GPATCH8: variants seen among roughly 807,000 people sequenced by gnomAD.
GPATCH8 encodes G-patch domain containing 8.
GPATCH8 carries 18 observed loss-of-function variants against 118.3 expected under a neutral mutation model. The observed-to-expected ratio is 0.15, with a 90% CI of 0.11 to 0.23. The LOEUF is 0.23. GPATCH8 is among the 10% of genes least tolerant of loss of function. The pLI is 1.00. For synonymous variants in GPATCH8, 659 were observed against 684.7 expected (o/e 0.96, Z 0.59); for missense variants, 1,631 against 1,873.8 (o/e 0.87, Z 2.39).
intron 7 of GPATCH8, among the ~76,000 whole-genome samples, chr17:44,404,037 G>A (rs980926130): frequency 1.3e-5 from 2 of 151,968 alleles, no homozygotes; most frequent in Middle Eastern, 6.8e-3. Context: ...ACTGGAAAAT[G>A]AGAACTCAAC....
chr17:44,440,779 A>C (rs915794203), intron 3 of GPATCH8, among the ~76,000 whole-genome samples: 1 of 152,246 alleles, frequency 6.6e-6, no homozygotes, highest in African/African-American at 2.4e-5. Context: ...AAAATGGTTA[A>C]GGTTACATCA....
intron 6 of GPATCH8, among the ~76,000 whole-genome samples, 166 bp from the exon 7 acceptor site, chr17:44,406,217 T>C (rs1410212238): frequency 1.3e-5 from 2 of 152,152 alleles, no homozygotes; most frequent in East Asian, 1.9e-4. Context: ...GCTGATTACT[T>C]TGGGTATAGC....
intron 3 of GPATCH8, 116 bp from the exon 4 acceptor site, chr17:44,436,661 A>T: frequency 1.4e-6 from 1 of 738,464 alleles, no homozygotes. Context: ...CCAGAAAGCT[A>T]CAGTGAACCA....
intron 3 of GPATCH8, among the ~76,000 whole-genome samples, chr17:44,453,498 G>GTGTGTGTGTGTGTGT (rs1298562128): frequency 0.075 from 9,728 of 129,936 alleles, 585 homozygotes; most frequent in East Asian, 0.096. Flanking sequence ...TAGGTAGGTA[G>GTGTGTGTGTGTGTGT]GGGTGTGTGT....
chr17:44,496,089 G>A (rs149894986), intron 1 of GPATCH8, among the ~76,000 whole-genome samples: 1,874 of 152,158 alleles, frequency 0.012, 36 homozygotes, highest in African/African-American at 0.037. Flanking sequence ...GGCTGGTCTC[G>A]AACTCCTGAC....
At chr17:44,428,561 G>A (rs912414456) in intron 5 of GPATCH8, among the ~76,000 whole-genome samples, 1 of 151,890 alleles carries the variant, frequency 6.6e-6, no homozygotes, top group African/African-American at 2.4e-5. Context: ...CCAGCACTTT[G>A]GGAGGTTGAG....
At chr17:44,424,315 T>G in intron 6 of GPATCH8, 34 bp downstream of exon 6, 4 of 1,436,440 alleles carry the variant, frequency 2.8e-6, no homozygotes, top group Non-Finnish European at 3.9e-6. Context: ...AATAGATAGG[T>G]ACCTTCTTCT....
rs1260607971 is a variant in GPATCH8, at chr17:44,395,709, T to C, written c.*1859A>G. The C allele has an allele frequency of 6.6e-6, 3 of 454,012 alleles. No individual in the cohort carries two copies. Among genetic ancestry groups the C allele is most frequent in the Non-Finnish European group, 1.3e-5 (3 of 226,804 alleles). The allele number at this position is 454,012 out of a possible 1,614,324, so 28.1% of individuals were successfully genotyped here. On this transcript the variant is annotated 3_prime_UTR_variant, in exon 8 of 8. Transcript: ENST00000591680. The stretch of plus-strand genomic sequence containing the variant: ...GCCTGCCACTTTCTTTTCATAAACT[T>C]TACTCTTTTGAGAATTTGCGAAGGC...
chr17:44,469,142 T>G (rs544622175), intron 2 of GPATCH8, among the ~76,000 whole-genome samples: 22 of 152,358 alleles, frequency 1.4e-4, no homozygotes, highest in African/African-American at 5.3e-4. Context: ...TTATCATTTG[T>G]TCTTCTCTAA....
chr17:44,502,382 C>T (rs1970142068), intron 1 of GPATCH8, among the ~76,000 whole-genome samples: 3 of 149,450 alleles, frequency 2.0e-5, no homozygotes, highest in African/African-American at 7.4e-5. Flanking sequence ...TTTTGAGACT[C>T]TACGGATGTA....
chr17:44,478,689 A>C (rs1169248317), intron 1 of GPATCH8, among the ~76,000 whole-genome samples: 1 of 152,036 alleles, frequency 6.6e-6, no homozygotes. Context: ...AAAACAAAAC[A>C]AAAAAACCCT....
At chr17:44,485,765 C>T (rs536032252) in intron 1 of GPATCH8, among the ~76,000 whole-genome samples, 4 of 152,284 alleles carry the variant, frequency 2.6e-5, no homozygotes, top group South Asian at 2.1e-4. Flanking sequence ...TTTATACCTT[C>T]GTTATGGTAC....
chr17:44,402,788 C>G (rs2049077715), intron 7 of GPATCH8, among the ~76,000 whole-genome samples: 1 of 152,196 alleles, frequency 6.6e-6, no homozygotes, highest in Non-Finnish European at 1.5e-5. Context: ...GGTACCGTAA[C>G]AAGCATTTGC....
chr17:44,465,306 C>T (rs769320792), intron 2 of GPATCH8: 5 of 152,062 alleles, frequency 3.3e-5, no homozygotes, highest in African/African-American at 1.2e-4. Context: ...CAGTAAAGAA[C>T]CATTAGTGCA....
chr17:44,426,994 C>T (rs967238099), intron 5 of GPATCH8, among the ~76,000 whole-genome samples: 7 of 151,808 alleles, frequency 4.6e-5, no homozygotes, highest in Admixed American at 2.0e-4. Context: ...AATACATACA[C>T]GTATATATGG....
At chr17:44,479,980 A>G (rs1435012879) in intron 1 of GPATCH8, among the ~76,000 whole-genome samples, 1 of 147,838 alleles carries the variant, frequency 6.8e-6, no homozygotes, top group African/African-American at 2.5e-5. Context: ...AAAAAAAAAA[A>G]TTGATAGGCT....
intron 2 of GPATCH8, 164 bp downstream of exon 2, chr17:44,474,665 A>C (rs1439515774): frequency 1.4e-6 from 1 of 695,184 alleles, no homozygotes; most frequent in Non-Finnish European, 2.6e-6. Context: ...ATTAAATATT[A>C]GATTACATCC....
chr17:44,414,126 T>TGTGTATATATATATATGTGTATATATA, intron 6 of GPATCH8, among the ~76,000 whole-genome samples: 1 of 32,336 alleles, frequency 3.1e-5, no homozygotes, highest in Non-Finnish European at 9.6e-5. Flanking sequence ...TGTATATATA[T>TGTGTATATATATATATGTGTATATATA]GTGTATATAT....
intron 3 of GPATCH8, among the ~76,000 whole-genome samples, chr17:44,444,734 T>C (rs2050815420): frequency 6.6e-6 from 1 of 152,140 alleles, no homozygotes. Flanking sequence ...GATCACACCA[T>C]TGCACTCCAG....
Sources: gnomAD v4.1 joint callset for allele counts (sites outside exome capture counted in the v4.1 genomes callset) on GRCh38, gnomAD v4.1.1 for gene constraint, MANE v1.5 for transcripts, NCBI Gene and HGNC (gene_info 2026-07-23, HGNC 2026-07-21) for gene names.